Variants in UROS observed in about 807,000 individuals in gnomAD.
UROS encodes uroporphyrinogen III synthase.
A neutral mutation model predicts 33.0 loss-of-function variants in UROS; 18 were observed. The observed-to-expected ratio is 0.55, with a 90% CI of 0.38 to 0.81. The LOEUF (loss-of-function observed/expected upper bound fraction) is 0.81. UROS is among the 30% of genes least tolerant of loss of function. The probability of loss-of-function intolerance (pLI) is 0.00; values close to 1 mark genes in which losing one functional copy is unlikely to be tolerated. For synonymous variants in UROS, 114 were observed against 121.1 expected (o/e 0.94, Z 0.38); for missense variants, 293 against 314.9 (o/e 0.93, Z 0.53).
chr10:125,815,144 A>T lies in UROS; in HGVS notation c.148-14T>A. ...AGGATGAGAAAGCTGCACACCAAAAAGCAATAAAGACATTTTATACGATGG... is the reference window on the plus strand; with the variant it reads ...AGGATGAGAAAGCTGCACACCAAAATGCAATAAAGACATTTTATACGATGG... On this transcript the variant is annotated splice_polypyrimidine_tract_variant and intron_variant, in intron 3 of 9. Coordinates refer to ENST00000368797, the MANE Select transcript of UROS (RefSeq NM_000375.3). The T allele has an allele frequency of 6.2e-7, 1 of 1,613,832 alleles. No homozygotes were observed. Among genetic ancestry groups the T allele is most frequent in the African/African-American group, 1.3e-5 (1 of 75,062 alleles).
At chr10:125,812,067 C>T in intron 5 of UROS, 147 bp downstream of exon 5, 1 of 694,948 alleles carries the variant, frequency 1.4e-6, no homozygotes, top group Non-Finnish European at 2.4e-6. Context: ...TGTTTCACTG[C>T]ATTCTTATCA....
chr10:125,803,895 G>C (rs533788224), intron 6 of UROS, among the ~76,000 whole-genome samples: 3 of 152,260 alleles, frequency 2.0e-5, no homozygotes, highest in Admixed American at 6.5e-5. Context: ...GCCCTTCTCT[G>C]TGGAGAGGAG....
chr10:125,812,102 T>G lies in UROS; in HGVS notation c.319+112A>C, dbSNP rs17153564. 2,933 of 999,918 alleles carry G rather than the reference T, an allele frequency of 2.9e-3. 11 individuals are homozygous for G. Among genetic ancestry groups the G allele is most frequent in the Middle Eastern group, 0.018 (73 of 4,170 alleles). The allele number at this position is 999,918 out of a possible 1,614,324, so 61.9% of individuals were successfully genotyped here. On this transcript the variant is annotated intron_variant, in intron 5 of 9. Coordinates refer to ENST00000368797, the MANE Select transcript of UROS (RefSeq NM_000375.3). ...AGTAGTATCGTATACTTAATTAATTTTTGCAAATTTAATAAGCAAAAAATA... is the reference window on the plus strand; with the variant it reads ...AGTAGTATCGTATACTTAATTAATTGTTGCAAATTTAATAAGCAAAAAATA...
rs375398792 is a variant in UROS at position 125,803,253 on chromosome 10, AAT to A, written c.394+4158_394+4159del. On this transcript the variant is annotated intron_variant, in intron 6 of 9. Coordinates refer to ENST00000368797, the MANE Select transcript of UROS (RefSeq NM_000375.3). ...TTCCCATGTCACAGCTCAGTACCAC[AAT>A]ATGTCAGACAATTAAAGGCATGCAC... Among the ~76,000 whole-genome samples the A allele has an allele frequency of 4.5e-3, 690 of 152,278 alleles. 3 individuals carry two copies. The highest frequency in any genetic ancestry group is 0.015 in the African/African-American group (637 of 41,542).
chr10:125,789,495 C>G (rs35711389), intron 9 of UROS: 154,928 of 485,322 alleles, frequency 0.32, 25,029 homozygotes, highest in East Asian at 0.39. Flanking sequence ...GACCTTGGCC[C>G]GTGGCCCATC....
At chr10:125,822,680 A>T (rs1011786607) in intron 1 of UROS, among the ~76,000 whole-genome samples, 3 of 151,722 alleles carry the variant, frequency 2.0e-5, no homozygotes, top group Non-Finnish European at 2.9e-5. Context: ...CTGGTCTCGA[A>T]CTCCTGACCT....
chr10:125,812,427 AC>A, intron 4 of UROS, 139 bp from the exon 5 acceptor site: 1 of 751,814 alleles, frequency 1.3e-6, no homozygotes, highest in Non-Finnish European at 2.2e-6. Context: ...AGCATCTCAA[AC>A]TAAAATTCCA....
intron 6 of UROS, chr10:125,802,511 C>T (rs1851928690): frequency 1.0e-6 from 1 of 990,000 alleles, no homozygotes; most frequent in Non-Finnish European, 1.2e-6. Flanking sequence ...TTGAATTGGC[C>T]TCCAGAGGGC....
intron 6 of UROS, among the ~76,000 whole-genome samples, chr10:125,806,613 A>G (rs1036512338): frequency 4.6e-5 from 7 of 152,206 alleles, no homozygotes; most frequent in Non-Finnish European, 8.8e-5. Context: ...TTAACAGATG[A>G]AGTTTGCCAG....
chr10:125,789,890 G>A (rs1190269071), intron 9 of UROS, among the ~76,000 whole-genome samples: 1 of 152,182 alleles, frequency 6.6e-6, no homozygotes, highest in Non-Finnish European at 1.5e-5. Flanking sequence ...GGCTAGTGTG[G>A]GGGTTAAATG....
chr10:125,822,319 A>ATTTT lies in UROS; in HGVS notation c.-27+706_-27+709dup, dbSNP rs544901269. Among the ~76,000 whole-genome samples, 5 of 142,446 alleles carry ATTTT rather than the reference A, an allele frequency of 3.5e-5. 1 individual carries two copies. The highest frequency in any genetic ancestry group is 2.2e-4 in the South Asian group (1 of 4,512). The allele number at this position is 142,446 out of a possible 152,430, so 93.5% of individuals were successfully genotyped here. A position where few individuals can be genotyped will look rare whatever the true frequency, so the allele number is the denominator to read the frequency against. On this transcript the variant is annotated intron_variant, in intron 1 of 9. Transcript: ENST00000368797. ...TAGACTACCCCACTGGCCCCGAAGC[A>ATTTT]TTTTTTTTTTTTTTTAGATAGGGTC...
In UROS at chr10:125,820,724, A is replaced by G. The variant is rs148659368; in HGVS notation, c.-27+2305T>C. Among the ~76,000 whole-genome samples, 9 of 152,312 alleles carry G rather than the reference A, an allele frequency of 5.9e-5. No homozygotes were observed. In the East Asian group the frequency reaches 1.7e-3, roughly 29 times the overall value. On this transcript the variant is annotated intron_variant, in intron 1 of 9. Transcript: ENST00000368797. ...TGAAACCAAGTCCCTGGGAGGTTTG[A>G]GTAACTTGTCCCAGGTCACACAGCA...
intron 9 of UROS, chr10:125,793,365 G>A (rs1228166561): frequency 6.6e-6 from 1 of 152,084 alleles, no homozygotes; most frequent in African/African-American, 2.4e-5. Context: ...GGGTGGAGGT[G>A]GGGACTCCTC....
At chr10:125,818,752 G>A (rs186172917) in intron 1 of UROS, among the ~76,000 whole-genome samples, 3 of 152,246 alleles carry the variant, frequency 2.0e-5, no homozygotes, top group Admixed American at 2.0e-4. Flanking sequence ...CCTGTACATT[G>A]GAAAGGGGCT....
chr10:125,789,932 C>T (rs1375222428), intron 9 of UROS, among the ~76,000 whole-genome samples: 2 of 152,236 alleles, frequency 1.3e-5, no homozygotes, highest in Non-Finnish European at 2.9e-5. Flanking sequence ...CTCTCCTCTG[C>T]ATTGAGACTG....
chr10:125,822,166 T>C (rs537962858), intron 1 of UROS, among the ~76,000 whole-genome samples: 30 of 152,264 alleles, frequency 2.0e-4, no homozygotes, highest in Non-Finnish European at 3.5e-4. Context: ...TGAACCCTGT[T>C]TCTCTCGCAA....
chr10:125,800,671 C>A (rs1007737830), intron 6 of UROS, among the ~76,000 whole-genome samples: 1 of 151,720 alleles, frequency 6.6e-6, no homozygotes, highest in African/African-American at 2.4e-5. Flanking sequence ...ATGCAATTCT[C>A]CTGCCTCAGC....
intron 6 of UROS, chr10:125,802,972 G>A: frequency 6.2e-7 from 1 of 1,612,864 alleles, no homozygotes; most frequent in Non-Finnish European, 8.5e-7. Flanking sequence ...TCAGCATAAG[G>A]GCACGTCCAA....
intron 1 of UROS, among the ~76,000 whole-genome samples, chr10:125,817,304 G>A (rs1330461197): frequency 4.3e-5 from 6 of 140,852 alleles, no homozygotes; most frequent in Non-Finnish European, 7.6e-5. Context: ...CTGAGCTCAG[G>A]TGATCTACCT....
Sources: allele counts gnomAD v4.1 joint callset (sites outside exome capture counted in the v4.1 genomes callset), GRCh38; gene constraint gnomAD v4.1.1; transcripts MANE v1.5; gene names NCBI Gene and HGNC (gene_info 2026-07-23, HGNC 2026-07-21).